The following CAPN12 variants were observed in gnomAD, a reference collection of about 807,000 sequenced individuals.
The protein encoded by CAPN12 is calpain-12.
CAPN12 carries 107 observed loss-of-function variants against 95.0 expected under a neutral mutation model. The ratio of observed to expected loss-of-function variants is 1.13; its 90% confidence interval spans 0.96 to 1.32. The LOEUF (loss-of-function observed/expected upper bound fraction) is 1.32. CAPN12 is among the 40% of genes most tolerant of loss of function. CAPN12 has a pLI of 0.00. For missense variants in CAPN12, 1,136 were observed against 997.8 expected, an observed-to-expected ratio of 1.14 and a Z score of -1.87; for synonymous variants, 505 against 415.5, an observed-to-expected ratio of 1.22 and a Z score of -2.62.
Position 38,730,510 on chromosome 19 carries a change from C to A in CAPN12, c.*342G>T, listed in dbSNP as rs1205747177. On this transcript the variant is annotated 3_prime_UTR_variant, in exon 21 of 21. Coordinates refer to ENST00000328867, the MANE Select transcript of CAPN12 (RefSeq NM_144691.4). ...ACCCTCTGGGGACAGGATAATAAAA[C>A]ATGTAATATTTTTAAGAAGGATTCC... The A allele has an allele frequency of 5.7e-6, 2 of 349,860 alleles. No homozygotes were observed. The highest frequency in any genetic ancestry group is 1.0e-4 in the East Asian group (2 of 19,150). 21.7% of individuals were successfully genotyped at this position (349,860 alleles called of 1,614,324 possible).
At chr19:38,730,941 C>CCCTGTCCCT in intron 20 of CAPN12, 24 bp downstream of exon 20, 1 of 1,550,538 alleles carries the variant, frequency 6.4e-7, no homozygotes, top group South Asian at 1.2e-5. Flanking sequence ...GCCTGAGCCA[C>CCCTGTCCCT]CCTGTCCCTC....
In CAPN12 at chr19:38,736,707, CCCGACCCAGGCCCTCG is replaced by C. The variant is rs1394105092; in HGVS notation, c.1363-160_1363-145del. On this transcript the variant is annotated intron_variant, in intron 10 of 20. Transcript: ENST00000328867. Reference sequence around the variant, plus strand: ...CTTATTGAACCTTTGCCCCGCAGTCCCCGACCCAGGCCCTCGCCGACCCCTCCCCAACTCTTCCTTC... The same window carrying C: ...CTTATTGAACCTTTGCCCCGCAGTCCCCGACCCCTCCCCAACTCTTCCTTC... 31 of 1,069,592 alleles carry C rather than the reference CCCGACCCAGGCCCTCG, an allele frequency of 2.9e-5. 1 individual carries two copies. Among genetic ancestry groups the C allele is most frequent in the African/African-American group, 1.8e-4 (11 of 62,400 alleles). The allele number at this position is 1,069,592 out of a possible 1,614,324, so 66.3% of individuals were successfully genotyped here.
At chr19:38,731,946 C>T (rs1969649051) in intron 18 of CAPN12, among the ~76,000 whole-genome samples, 1 of 152,258 alleles carries the variant, frequency 6.6e-6, no homozygotes, top group African/African-American at 2.4e-5. Flanking sequence ...GTGACCTGCC[C>T]CAGGTCACTC....
rs1377833019 is a variant in CAPN12 at position 38,737,025 on chromosome 19, C to T, written c.1362+131G>A. On this transcript the variant is annotated intron_variant, in intron 10 of 20. Transcript: ENST00000328867. ...CCCTCCACCACTCCCCCTCTTCCCC[C>T]TTGGCCCCGCCCTCCACACCTCCCC... 35 of 263,926 alleles carry T rather than the reference C, an allele frequency of 1.3e-4. 1 individual carries two copies. The highest frequency in any genetic ancestry group is 8.4e-4 in the African/African-American group (33 of 39,402). The allele number at this position is 263,926 out of a possible 1,614,324, so 16.3% of individuals were successfully genotyped here.
chr19:38,737,954 AT>A (rs1183848122), intron 8 of CAPN12, among the ~76,000 whole-genome samples: 1 of 152,030 alleles, frequency 6.6e-6, no homozygotes, highest in Non-Finnish European at 1.5e-5. Context: ...ACATTGCCAA[AT>A]CTCAAGAAAT....
intron 18 of CAPN12, among the ~76,000 whole-genome samples, chr19:38,732,804 G>T (rs1969727207): frequency 6.6e-6 from 1 of 152,128 alleles, no homozygotes; most frequent in Admixed American, 6.5e-5. Context: ...TGGGGTTGGG[G>T]ATCTGGGAAC....
At position 38,736,553 on chromosome 19, in the gene CAPN12, T is replaced by A; in HGVS notation, c.1373A>T (p.Glu458Val). The change falls in exon 11 of 21, where the codon GAG (glutamate) becomes GTG (valine). Residue 458 changes from glutamate to valine, a missense_variant and splice_region_variant. Glu to Val is a moderately radical substitution (Grantham distance 121). Coordinates refer to ENST00000328867, the MANE Select transcript of CAPN12 (RefSeq NM_144691.4). ...CGGTTGACCCCATCCCAGACTCACC[T>A]CCTCTGGAATCTGAAAGAAGCAAGA... ...VGFHVFQIPEELLGLWDSPRS... is the reference protein window; with the variant it reads ...VGFHVFQIPEVLLGLWDSPRS... The A allele has an allele frequency of 6.4e-7, 1 of 1,565,618 alleles. No homozygotes were observed. The highest frequency in any genetic ancestry group is 2.4e-5 in the East Asian group (1 of 42,388).
At chr19:38,734,577 G>A (rs770076554) in intron 15 of CAPN12, 188 bp from the exon 16 acceptor site, 60 of 663,348 alleles carry the variant, frequency 9.0e-5, no homozygotes, top group Admixed American at 3.0e-4. Context: ...GGGGTGCCCA[G>A]TCTGTGCTCA....
chr19:38,736,613 C>CGGGGCAGGGGAGAGGT, intron 10 of CAPN12, 50 bp from the exon 11 acceptor site: 1 of 1,500,600 alleles, frequency 6.7e-7, no homozygotes, highest in Admixed American at 2.0e-5. Flanking sequence ...AGGTGGCCGC[C>CGGGGCAGGGGAGAGGT]GCTCAGGGTC....
Position 38,742,503 on chromosome 19 carries a change from G to GGCGGCT in CAPN12, c.332_333insAGCCGC (p.Ala111_Ala112dup). 3 of 1,612,878 alleles carry GGCGGCT rather than the reference G, an allele frequency of 1.9e-6. No homozygotes were observed. The highest frequency in any genetic ancestry group is 2.5e-6 in the Non-Finnish European group (3 of 1,179,408). ...GCCGGGGATACAGAGTAAGGGAGGC[G>GGCGGCT]GCAGCTGCAAGGAACCAGCAGTTAC... On this transcript the variant is annotated inframe_insertion, in exon 3 of 21. Coordinates refer to ENST00000328867, the MANE Select transcript of CAPN12 (RefSeq NM_144691.4).
rs1284235448 is a variant in CAPN12, at chr19:38,744,114, C to T, written c.52G>A (p.Gly18Arg). 1.2e-6 allele frequency: 2 copies of T among 1,614,066 alleles called. No homozygotes were observed. Among genetic ancestry groups the T allele is most frequent in the African/African-American group, 2.7e-5 (2 of 74,938 alleles). The change falls in exon 1 of 21, where the codon GGG (glycine) becomes AGG (arginine). Residue 18 changes from glycine (G) to arginine (R), a missense_variant. Physicochemically the swap from Gly to Arg is moderately radical, Grantham distance 125. Transcript: ENST00000328867. ...VTIQLVDEEA[G>R]VGAGRLQLFR... Reference sequence around the variant, plus strand: ...AGCTGCAGGCGCCCGGCTCCGACCCCAGCCTCCTCATCCACGAGCTGGATG... The same window carrying T: ...AGCTGCAGGCGCCCGGCTCCGACCCTAGCCTCCTCATCCACGAGCTGGATG...
intron 14 of CAPN12, 169 bp downstream of exon 14, chr19:38,735,201 C>G: frequency 1.5e-6 from 1 of 687,334 alleles, no homozygotes; most frequent in East Asian, 2.7e-5. Context: ...GCCCAAGGCC[C>G]TGAGGCAGGG....
At position 38,741,960 on chromosome 19, in the gene CAPN12, G is replaced by T. The variant is rs752017525; in HGVS notation, c.427-50C>A. On this transcript the variant is annotated intron_variant, in intron 3 of 20. Transcript: ENST00000328867. ...GACTCGGCTTCCAACCTCCAACCCT[G>T]CCTGGGCCCTGCCTCTGCTGTGCCA... The T allele has an allele frequency of 3.8e-6, 6 of 1,598,184 alleles. No individual in the cohort carries two copies. The South Asian group carries it at 5.6e-5, about 15-fold the overall frequency.
chr19:38,733,719 C>T lies in CAPN12; in HGVS notation c.1941G>A (p.Leu647=), dbSNP rs1969802972. 6.2e-7 allele frequency: 1 copy of T among 1,613,582 alleles called. No homozygotes were observed. The highest frequency in any genetic ancestry group is 8.5e-7 in the Non-Finnish European group (1 of 1,179,946). The change falls in exon 18 of 21, where the codon CTG becomes CTA. Residue 647 remains leucine (L), a synonymous_variant. Transcript: ENST00000328867. ...SGTMNSYELR[L]ALNAAGFHLN... ...TGTCCACACCTGCTGCATTCAGTGCCAGCCTCAGCTCGTAGGAGTTCATGG... is the reference window on the plus strand; with the variant it reads ...TGTCCACACCTGCTGCATTCAGTGCTAGCCTCAGCTCGTAGGAGTTCATGG...
At chr19:38,734,477 G>A (rs1969870034) in intron 15 of CAPN12, 88 bp from the exon 16 acceptor site, 3 of 1,177,912 alleles carry the variant, frequency 2.5e-6, no homozygotes, top group Non-Finnish European at 3.6e-6. Flanking sequence ...CCTTAAGCAG[G>A]TGATGTTGTC....
In CAPN12 at chr19:38,740,079, T is replaced by G; in HGVS notation, c.701A>C (p.Lys234Thr). ...GGCAGTGGCGCCCACGAGGGACTCC[T>G]TGGCCAGGGCATGGCGCAGGGCAGA... Reference protein sequence around the residue: ...LFSALRHALAKESLVGATALS... With the variant: ...LFSALRHALATESLVGATALS... Residue 234 changes from lysine (K) to threonine (T), a missense_variant, in exon 5 of 21, where the codon AAG becomes ACG. Coordinates refer to ENST00000328867, the MANE Select transcript of CAPN12 (RefSeq NM_144691.4). The G allele has an allele frequency of 6.2e-7, 1 of 1,604,910 alleles. No homozygotes were observed. Among genetic ancestry groups the G allele is most frequent in the Non-Finnish European group, 8.5e-7 (1 of 1,175,048 alleles).
At position 38,744,100 on chromosome 19, in the gene CAPN12, C is replaced by G; in HGVS notation, c.66G>C (p.Gly22=). The change falls in exon 1 of 21, where the codon GGG becomes GGC. Residue 22 remains glycine (G), a synonymous_variant. Coordinates refer to ENST00000328867, the MANE Select transcript of CAPN12 (RefSeq NM_144691.4). ...TCTGGCCCCGAAAAAGCTGCAGGCG[C>G]CCGGCTCCGACCCCAGCCTCCTCAT... ...LVDEEAGVGA[G]RLQLFRGQSY... The G allele has an allele frequency of 6.2e-7, 1 of 1,614,182 alleles. No homozygotes were observed. The highest frequency in any genetic ancestry group is 1.1e-5 in the South Asian group (1 of 91,086).
At position 38,735,370 on chromosome 19, in the gene CAPN12, C is replaced by T; in HGVS notation, c.1686G>A (p.Glu562=). The T allele has an allele frequency of 1.9e-6, 3 of 1,590,676 alleles. No individual in the cohort carries two copies. Among genetic ancestry groups the T allele is most frequent in the Non-Finnish European group, 2.6e-6 (3 of 1,166,660 alleles). ...LEQLFQELAG[E]EEELNASQLQ... Reference sequence around the variant, plus strand: ...CCCTCAGTCCAATCCCCCTCCTCACCTCTCCAGCCAGCTCCTGAAACAGCT... The same window carrying T: ...CCCTCAGTCCAATCCCCCTCCTCACTTCTCCAGCCAGCTCCTGAAACAGCT... The change falls in exon 14 of 21, where the codon GAG becomes GAA. Residue 562 remains glutamate, a splice_region_variant and synonymous_variant. Coordinates refer to ENST00000328867, the MANE Select transcript of CAPN12 (RefSeq NM_144691.4).
At chr19:38,734,109 C>T in intron 17 of CAPN12, 33 bp downstream of exon 17, 6 of 1,610,270 alleles carry the variant, frequency 3.7e-6, no homozygotes, top group Non-Finnish European at 5.1e-6. Flanking sequence ...AGGTTTCTCT[C>T]TTTCTGGGAA....
Sources: gnomAD v4.1 joint callset for allele counts (sites outside exome capture counted in the v4.1 genomes callset) on GRCh38, gnomAD v4.1.1 for gene constraint, MANE v1.5 for transcripts, NCBI Gene and HGNC (gene_info 2026-07-23, HGNC 2026-07-21) for gene names.